Variants in AFF3 observed in about 807,000 individuals in gnomAD.
AFF3 encodes ALF transcription elongation factor 3.
A neutral mutation model predicts 129.7 loss-of-function variants in AFF3; 32 were observed. The ratio of observed to expected loss-of-function variants is 0.25; its 90% CI spans 0.19 to 0.33. The LOEUF is 0.33. Ranked by LOEUF, AFF3 falls within the 10% of genes least tolerant of loss-of-function variation. AFF3 has a pLI of 1.00. For synonymous variants in AFF3, 644 were observed against 635.4 expected, an observed-to-expected ratio of 1.01 and a Z score of -0.20; for missense variants, 1,373 against 1,592.0, an observed-to-expected ratio of 0.86 and a Z score of 2.34.
At chr2:99,613,507 A>T (rs1047322276) in intron 13 of AFF3, among the ~76,000 whole-genome samples, 6 of 152,172 alleles carry the variant, frequency 3.9e-5, no homozygotes, top group African/African-American at 1.4e-4. Flanking sequence ...TTATTACCAC[A>T]AAAGTTATAT....
chr2:99,998,532 T>C (rs1488969381), intron 7 of AFF3, among the ~76,000 whole-genome samples: 1 of 152,220 alleles, frequency 6.6e-6, no homozygotes, highest in Non-Finnish European at 1.5e-5. Flanking sequence ...TCAGGGCTTA[T>C]AGAGAGAAAT....
chr2:100,034,301 T>C (rs1684742318), intron 4 of AFF3, among the ~76,000 whole-genome samples: 1 of 152,102 alleles, frequency 6.6e-6, no homozygotes, highest in Non-Finnish European at 1.5e-5. Context: ...TAGGATGAAA[T>C]AGAAATAAAA....
At chr2:99,889,085 G>A (rs1474174543) in intron 7 of AFF3, among the ~76,000 whole-genome samples, 1 of 152,166 alleles carries the variant, frequency 6.6e-6, no homozygotes, top group African/African-American at 2.4e-5. Context: ...AGAAATAAAA[G>A]CACTGATTTA....
chr2:100,021,385 G>A (rs1000261862), intron 4 of AFF3, among the ~76,000 whole-genome samples: 13 of 152,128 alleles, frequency 8.5e-5, no homozygotes, highest in Admixed American at 7.2e-4. Flanking sequence ...AACAGTATAA[G>A]ATACATTAAA....
At chr2:99,626,479 CTCCTTCTCTTCCCCT>C (rs1427165205) in intron 13 of AFF3, among the ~76,000 whole-genome samples, 3 of 64,302 alleles carry the variant, frequency 4.7e-5, no homozygotes, top group Non-Finnish European at 4.2e-5. Flanking sequence ...CTCCCTCCCT[CTCCTTCTCTTCCCCT>C]TCCTTCCCTT....
chr2:99,707,421 G>A (rs950090035), intron 11 of AFF3: 2 of 985,120 alleles, frequency 2.0e-6, no homozygotes, highest in South Asian at 4.7e-5. Context: ...ATTCCTCTTC[G>A]TATCAAGTAT....
intron 12 of AFF3, among the ~76,000 whole-genome samples, chr2:99,659,428 G>C (rs1686034360): frequency 6.6e-6 from 1 of 152,190 alleles, no homozygotes; most frequent in Non-Finnish European, 1.5e-5. Flanking sequence ...TAAACTTCTG[G>C]TTCTTAGGAA....
intron 13 of AFF3, among the ~76,000 whole-genome samples, chr2:99,613,237 GT>G (rs1681102765): frequency 6.6e-6 from 1 of 152,092 alleles, no homozygotes; most frequent in African/African-American, 2.4e-5. Context: ...TATCATGATG[GT>G]TTTAGCTTAA....
chr2:100,113,697 A>C (rs1329115885), intron 2 of AFF3, among the ~76,000 whole-genome samples: 1 of 152,232 alleles, frequency 6.6e-6, no homozygotes, highest in Admixed American at 6.5e-5. Context: ...TAAAGGGCTT[A>C]ATACAGCCCC....
At position 100,124,808 on chromosome 2, in the gene AFF3, TGAATGTATAATAAGG is replaced by T. The variant is rs1274482625; in HGVS notation, c.-145+4401_-145+4415del. The stretch of plus-strand genomic sequence containing the variant: ...CAGGTGGATGAATGTATAATAAACC[TGAATGTATAATAAGG>T]TCATAATTCATATATGAAGCAAACT... On this transcript the variant is annotated intron_variant, in intron 2 of 24. Coordinates refer to ENST00000672756, the MANE Select transcript of AFF3 (RefSeq NM_001386135.1). Among the ~76,000 whole-genome samples the T allele has an allele frequency of 2.6e-5, 4 of 152,362 alleles. No homozygotes were observed. The East Asian group carries it at 7.7e-4, about 29-fold the overall frequency.
chr2:99,685,665 G>T (rs1674985176), intron 11 of AFF3, among the ~76,000 whole-genome samples: 1 of 152,148 alleles, frequency 6.6e-6, no homozygotes, highest in South Asian at 2.1e-4. Flanking sequence ...TCAGCTGGAA[G>T]AAACGAATCT....
chr2:99,594,003 G>A lies in AFF3; in HGVS notation c.1658C>T (p.Ala553Val), dbSNP rs769764516. The change falls in exon 15 of 25, where the codon GCC (alanine) becomes GTC (valine). Residue 553 changes from alanine (A) to valine (V), a missense_variant. Ala to Val is a moderately conservative substitution (Grantham distance 64). Coordinates refer to ENST00000672756, the MANE Select transcript of AFF3 (RefSeq NM_001386135.1). ...GGCTGCGCTCACCGCCACGGCCACG[G>A]CCGCGGGCGGGGACTTCTGCTTCAC... ...KGVKQKSPPA[A>V]VAVAVSAAAP... 1.3e-6 allele frequency: 2 copies of A among 1,555,480 alleles called. No homozygotes were observed. Among genetic ancestry groups the A allele is most frequent in the Non-Finnish European group, 1.7e-6 (2 of 1,151,412 alleles).
At chr2:99,776,151 G>A (rs949901973) in intron 8 of AFF3, among the ~76,000 whole-genome samples, 3 of 152,004 alleles carry the variant, frequency 2.0e-5, no homozygotes, top group African/African-American at 7.2e-5. Context: ...TGGCATCGGG[G>A]GAAAAAAGGA....
At chr2:100,080,799 C>T (rs922560933) in intron 4 of AFF3, among the ~76,000 whole-genome samples, 22 of 151,990 alleles carry the variant, frequency 1.4e-4, no homozygotes, top group Admixed American at 3.3e-4. Flanking sequence ...AGGTGGAAAC[C>T]TAGGATGACA....
rs1483560794 is a variant in AFF3, at chr2:99,567,888, A to G, written c.2982+964T>C. 2.0e-5 allele frequency among the ~76,000 whole-genome samples: 3 copies of G among 152,216 alleles called. No homozygotes were observed. The East Asian group carries it at 5.8e-4, about 29-fold the overall frequency. On this transcript the variant is annotated intron_variant, in intron 19 of 24. Transcript: ENST00000672756. ...TAAAAATCTGATGCTCTTCTCCAAG[A>G]GTGGCCATTCATTGGCTTCTCCAGA...
chr2:99,891,861 T>C (rs898612616), intron 7 of AFF3, among the ~76,000 whole-genome samples: 9 of 151,858 alleles, frequency 5.9e-5, no homozygotes, highest in South Asian at 2.1e-4. Flanking sequence ...CTCGCTCTGT[T>C]GCCCAGGCTG....
At chr2:100,032,554 C>CACAATATACAACTGTACACTGT (rs1684587698) in intron 4 of AFF3, among the ~76,000 whole-genome samples, 5 of 152,208 alleles carry the variant, frequency 3.3e-5, no homozygotes, top group African/African-American at 1.2e-4. Flanking sequence ...TTGTGTACCT[C>CACAATATACAACTGTACACTGT]ACACTGTATA....
chr2:100,019,077 G>C (rs1683372566), intron 4 of AFF3, among the ~76,000 whole-genome samples: 5 of 152,102 alleles, frequency 3.3e-5, no homozygotes, highest in Admixed American at 3.3e-4. Context: ...CAGGCTCATG[G>C]GCTGGTGCCT....
intron 7 of AFF3, among the ~76,000 whole-genome samples, chr2:99,909,177 T>C (rs1416272388): frequency 1.3e-5 from 2 of 151,820 alleles, no homozygotes; most frequent in East Asian, 1.9e-4. Context: ...TGAGTTCATG[T>C]CCTTTGTAGG....
Sources: gnomAD v4.1 joint callset for allele counts (sites outside exome capture counted in the v4.1 genomes callset) on GRCh38, gnomAD v4.1.1 for gene constraint, MANE v1.5 for transcripts, NCBI Gene and HGNC (gene_info 2026-07-23, HGNC 2026-07-21) for gene names.